ZNF704: variants seen among roughly 807,000 people sequenced by gnomAD.
ZNF704 encodes the protein zinc finger protein 704.
A neutral mutation model predicts 44.7 loss-of-function variants in ZNF704; 10 were observed. The ratio of observed to expected loss-of-function variants is 0.22; its 90% CI spans 0.14 to 0.38. The LOEUF (loss-of-function observed/expected upper bound fraction) is 0.38, where lower values mean the gene tolerates loss of function less well. Ranked by LOEUF, ZNF704 falls within the 10% of genes least tolerant of loss-of-function variation. The pLI, the probability that ZNF704 is intolerant of heterozygous loss-of-function variation, is 1.00. For missense variants in ZNF704, 390 were observed against 545.5 expected (o/e 0.71, Z 2.84); for synonymous variants, 211 against 207.6 (o/e 1.02, Z -0.14).
chr8:80,730,538 T>TA (rs148942015), intron 2 of ZNF704, among the ~76,000 whole-genome samples: 1,676 of 63,910 alleles, frequency 0.026, 86 homozygotes, highest in Admixed American at 0.049. Context: ...GACTACATCT[T>TA]AAAAAAAAAA....
intron 2 of ZNF704, among the ~76,000 whole-genome samples, chr8:80,787,956 A>G (rs914832292): frequency 4.6e-5 from 7 of 152,232 alleles, no homozygotes; most frequent in African/African-American, 1.7e-4. Flanking sequence ...GCCATATTGT[A>G]GCCATTATGA....
chr8:80,630,221 A>G lies in ZNF704; in HGVS notation c.*11145T>C, dbSNP rs1211848912. On this transcript the variant is annotated 3_prime_UTR_variant, in exon 9 of 9. Coordinates refer to ENST00000327835, the MANE Select transcript of ZNF704 (RefSeq NM_001033723.3). ...ATACATTCATTCACTAACATTAAAG[A>G]CTTCTGTTAAGCAAGTACTTACCTC... 1 of 152,222 alleles carries G rather than the reference A, an allele frequency of 6.6e-6. No homozygotes were observed. The highest frequency in any genetic ancestry group is 1.9e-4 in the East Asian group (1 of 5,202). The allele number at this position is 152,222 out of a possible 1,614,324, so 9.4% of individuals were successfully genotyped here.
At chr8:80,854,093 A>C (rs937379776) in intron 1 of ZNF704, among the ~76,000 whole-genome samples, 3 of 152,216 alleles carry the variant, frequency 2.0e-5, no homozygotes, top group African/African-American at 2.4e-5. Context: ...GACTGAATTG[A>C]AATAATAATG....
chr8:80,853,752 C>A (rs80299093), intron 1 of ZNF704, among the ~76,000 whole-genome samples: 4 of 151,976 alleles, frequency 2.6e-5, no homozygotes, highest in Middle Eastern at 3.2e-3. Flanking sequence ...ATTTATCAAG[C>A]GCTTACTCCT....
At chr8:80,850,465 T>C (rs140980048) in intron 1 of ZNF704, among the ~76,000 whole-genome samples, 27 of 152,278 alleles carry the variant, frequency 1.8e-4, no homozygotes, top group East Asian at 1.3e-3. Context: ...GCATGGAGTG[T>C]TGCTGGCAGA....
rs562558727 is a variant in ZNF704 at position 80,804,582 on chromosome 8, C to A, written c.221+16792G>T. Among the ~76,000 whole-genome samples, 18 of 152,180 alleles carry A rather than the reference C, an allele frequency of 1.2e-4. No individual in the cohort carries two copies. In the East Asian group the frequency reaches 3.5e-3, roughly 29 times the overall value. On this transcript the variant is annotated intron_variant, in intron 2 of 8. Coordinates refer to ENST00000327835, the MANE Select transcript of ZNF704 (RefSeq NM_001033723.3). ...AGCAAACTAATGCAGGAACAGAAAA[C>A]CAGACACCACATCGTGTTCTCACTT...
intron 1 of ZNF704, among the ~76,000 whole-genome samples, chr8:80,837,010 T>A (rs900638734): frequency 1.3e-5 from 2 of 152,056 alleles, no homozygotes; most frequent in Non-Finnish European, 2.9e-5. Context: ...TGAAACAGCA[T>A]GGGCACTCTT....
chr8:80,727,631 G>A (rs988746335), intron 2 of ZNF704, among the ~76,000 whole-genome samples: 7 of 152,018 alleles, frequency 4.6e-5, no homozygotes, highest in African/African-American at 1.7e-4. Flanking sequence ...CGAGCTTGGA[G>A]GACGCACATC....
chr8:80,870,074 A>G (rs534276629), intron 1 of ZNF704, among the ~76,000 whole-genome samples: 27 of 152,330 alleles, frequency 1.8e-4, no homozygotes, highest in African/African-American at 6.5e-4. Flanking sequence ...ATGAGAACTC[A>G]ACCCATGTAG....
At chr8:80,813,434 C>A (rs1316202904) in intron 2 of ZNF704, among the ~76,000 whole-genome samples, 5 of 152,090 alleles carry the variant, frequency 3.3e-5, no homozygotes, top group Non-Finnish European at 7.4e-5. Context: ...ACTTATAGTA[C>A]ACAAAAAATT....
At chr8:80,752,132 T>C (rs1806954488) in intron 2 of ZNF704, among the ~76,000 whole-genome samples, 1 of 152,206 alleles carries the variant, frequency 6.6e-6, no homozygotes, top group Non-Finnish European at 1.5e-5. Context: ...TAGAACCAAC[T>C]ATGGGCTGAG....
intron 2 of ZNF704, among the ~76,000 whole-genome samples, chr8:80,762,702 A>G (rs1252681693): frequency 1.3e-5 from 2 of 152,142 alleles, no homozygotes; most frequent in Non-Finnish European, 2.9e-5. Flanking sequence ...TTCCAAACCA[A>G]TCATGCCTTC....
intron 1 of ZNF704, among the ~76,000 whole-genome samples, chr8:80,837,784 A>G (rs1051922566): frequency 7.9e-5 from 12 of 152,192 alleles, no homozygotes; most frequent in African/African-American, 2.7e-4. Context: ...CAGCTGTTCT[A>G]CTGAAGAATA....
At chr8:80,868,613 A>C (rs1438321863) in intron 1 of ZNF704, among the ~76,000 whole-genome samples, 1 of 152,244 alleles carries the variant, frequency 6.6e-6, no homozygotes, top group Admixed American at 6.5e-5. Context: ...CCAAGTCATA[A>C]ATTTTTGTAA....
At chr8:80,814,939 A>G (rs561233615) in intron 2 of ZNF704, among the ~76,000 whole-genome samples, 64 of 152,316 alleles carry the variant, frequency 4.2e-4, no homozygotes, top group Non-Finnish European at 8.2e-4. Context: ...TAAACTGTCT[A>G]AAGTACATAA....
intron 2 of ZNF704, among the ~76,000 whole-genome samples, chr8:80,716,080 G>GAA (rs113360555): frequency 7.8e-6 from 1 of 127,544 alleles, no homozygotes. Flanking sequence ...ACTCTGTCTC[G>GAA]AAAAAAAAAA....
intron 2 of ZNF704, among the ~76,000 whole-genome samples, chr8:80,762,210 T>C (rs915403419): frequency 1.3e-5 from 2 of 152,184 alleles, no homozygotes; most frequent in African/African-American, 4.8e-5. Context: ...ACATAGCAAA[T>C]TGATACTATG....
At chr8:80,722,317 C>T (rs570362215) in intron 2 of ZNF704, among the ~76,000 whole-genome samples, 36 of 152,304 alleles carry the variant, frequency 2.4e-4, no homozygotes, top group Middle Eastern at 6.8e-3. Context: ...TTATTAGCTA[C>T]GTAATCTCAG....
rs910343876 is a variant in ZNF704, at chr8:80,676,736, C to T, written c.559-6133G>A. Among the ~76,000 whole-genome samples the T allele has an allele frequency of 7.2e-5, 11 of 152,276 alleles. 1 individual carries two copies. Among genetic ancestry groups the T allele is most frequent in the African/African-American group, 9.6e-5 (4 of 41,546 alleles). On this transcript the variant is annotated intron_variant, in intron 4 of 8. Coordinates refer to ENST00000327835, the MANE Select transcript of ZNF704 (RefSeq NM_001033723.3). ...AAGGCAATTTTTCCAGGGACTGTGG[C>T]GCAGGTTGGGAGAGGATGGCACAGG...
Sources: allele counts gnomAD v4.1 joint callset (sites outside exome capture counted in the v4.1 genomes callset), GRCh38; gene constraint gnomAD v4.1.1; transcripts MANE v1.5; gene names NCBI Gene and HGNC (gene_info 2026-07-23, HGNC 2026-07-21).